Variants in GPA33 observed in about 807,000 individuals in gnomAD.
GPA33 encodes the protein cell surface A33 antigen.
A neutral mutation model predicts 35.6 loss-of-function variants in GPA33; 27 were observed. That is an observed-to-expected ratio of 0.76 (90% CI 0.56 to 1.04). The LOEUF (loss-of-function observed/expected upper bound fraction) is 1.04. GPA33 is among the 50% of genes least tolerant of loss of function. The pLI is 0.00. For missense variants in GPA33, 428 were observed against 411.9 expected, an observed-to-expected ratio of 1.04 and a Z score of -0.34; for synonymous variants, 176 against 164.0, an observed-to-expected ratio of 1.07 and a Z score of -0.56.
At chr1:167,075,817 A>T (rs532239774) in intron 1 of GPA33, among the ~76,000 whole-genome samples, 94 of 152,354 alleles carry the variant, frequency 6.2e-4, no homozygotes, top group African/African-American at 2.1e-3. Context: ...GGAATCAGTA[A>T]GGGAGAAGTA....
At chr1:167,056,659 TACGGTGAGTGTGTGATGTGTCTG>T (rs1666275957) in intron 4 of GPA33, among the ~76,000 whole-genome samples, 2 of 25,106 alleles carry the variant, frequency 8.0e-5, no homozygotes, top group Admixed American at 4.2e-4. Context: ...GTGTGTGTGG[TACGGTGAGTGTGTGATGTGTCTG>T]GTGTGTGGTG....
chr1:167,086,876 G>A (rs1029555754), intron 1 of GPA33, among the ~76,000 whole-genome samples: 46 of 131,804 alleles, frequency 3.5e-4, no homozygotes, highest in Non-Finnish European at 3.0e-4. Flanking sequence ...CTAGGAAGGT[G>A]GGGTGTGTAA....
At chr1:167,081,414 G>A (rs190572963) in intron 1 of GPA33, among the ~76,000 whole-genome samples, 218 of 152,342 alleles carry the variant, frequency 1.4e-3, no homozygotes, top group Non-Finnish European at 2.5e-3. Context: ...GTTCACACAC[G>A]CAGGTTGGTT....
chr1:167,070,360 A>G (rs1666693677), intron 2 of GPA33, among the ~76,000 whole-genome samples: 1 of 152,150 alleles, frequency 6.6e-6, no homozygotes. Flanking sequence ...TAGCCTATGC[A>G]CTTGGTATGT....
At chr1:167,061,955 G>A (rs529019954) in intron 4 of GPA33, among the ~76,000 whole-genome samples, 13 of 151,914 alleles carry the variant, frequency 8.6e-5, no homozygotes, top group African/African-American at 2.2e-4. Flanking sequence ...GTGTGCATCC[G>A]TCCGGCTGGG....
At chr1:167,082,080 C>T (rs908816979) in intron 1 of GPA33, among the ~76,000 whole-genome samples, 9 of 151,978 alleles carry the variant, frequency 5.9e-5, no homozygotes, top group African/African-American at 2.2e-4. Context: ...GAGGTAGAAC[C>T]CGAGGGATTC....
chr1:167,087,546 G>T (rs182727792), intron 1 of GPA33, among the ~76,000 whole-genome samples: 1 of 152,176 alleles, frequency 6.6e-6, no homozygotes, highest in Non-Finnish European at 1.5e-5. Flanking sequence ...TGGAGTGTTA[G>T]GAGGGACGGG....
intron 4 of GPA33, among the ~76,000 whole-genome samples, chr1:167,056,778 C>G (rs1311383614): frequency 0.01 from 15 of 1,492 alleles, no homozygotes; most frequent in Non-Finnish European, 9.9e-3. Context: ...GTGTGTGTGG[C>G]ATGTGTAGTG....
In GPA33 at chr1:167,055,729, C is replaced by T. The variant is rs937977818; in HGVS notation, c.691+1G>A. ...GCCCTCCCCCCGCAGGCTGCTCTTACGAGATCTGACGGCCACCGTGATGTT... is the reference window on the plus strand; with the variant it reads ...GCCCTCCCCCCGCAGGCTGCTCTTATGAGATCTGACGGCCACCGTGATGTT... On this transcript the variant is annotated splice_donor_variant, in intron 5 of 6. Transcript: ENST00000367868. LOFTEE classifies it high-confidence loss of function. 1.5e-5 allele frequency: 25 copies of T among 1,613,794 alleles called. No homozygotes were observed. Among genetic ancestry groups the T allele is most frequent in the Middle Eastern group, 1.7e-4 (1 of 5,976 alleles).
chr1:167,058,081 C>T (rs1666349041), intron 4 of GPA33, among the ~76,000 whole-genome samples: 1 of 152,160 alleles, frequency 6.6e-6, no homozygotes, highest in South Asian at 2.1e-4. Context: ...CGCCTCTAGT[C>T]CCAGGTACTT....
chr1:167,063,931 A>G (rs1368972397), intron 3 of GPA33, among the ~76,000 whole-genome samples, 194 bp from the exon 4 acceptor site: 1 of 152,086 alleles, frequency 6.6e-6, no homozygotes, highest in Non-Finnish European at 1.5e-5. Flanking sequence ...GTCTGTCACC[A>G]CCACAAAGGA....
At chr1:167,070,796 G>T (rs145324167) in intron 2 of GPA33, among the ~76,000 whole-genome samples, 1 of 152,294 alleles carries the variant, frequency 6.6e-6, no homozygotes, top group Admixed American at 6.5e-5. Context: ...GAGTATGAAA[G>T]TGGGGGCACC....
intron 1 of GPA33, among the ~76,000 whole-genome samples, chr1:167,089,249 C>T (rs1667111462): frequency 6.6e-6 from 1 of 152,096 alleles, no homozygotes; most frequent in Admixed American, 6.5e-5. Context: ...AGCTGTAGGC[C>T]CCGTGGCCCG....
chr1:167,063,599 T>G lies in GPA33; in HGVS notation c.554A>C (p.Gln185Pro). Residue 185 changes from glutamine to proline, a missense_variant, in exon 4 of 7, where the codon CAG (glutamine) becomes CCG (proline). By Grantham distance (76) the Gln-to-Pro change is moderately conservative (BLOSUM62 -1). Transcript: ENST00000367868. The part of the protein sequence containing the change: ...WKRYNILNQE[Q>P]PLAQPASGQP... ...CCCCTTACCTGGCTGGGCCAGGGGC[T>G]GCTCCTGATTCAGGATGTTGTACCT... 6.2e-7 allele frequency: 1 copy of G among 1,609,984 alleles called. No homozygotes were observed.
chr1:167,084,378 G>T (rs1558011938), intron 1 of GPA33, among the ~76,000 whole-genome samples: 1 of 152,204 alleles, frequency 6.6e-6, no homozygotes. Context: ...GTGATGATCT[G>T]AATTTGTAGG....
chr1:167,056,770 GT>G (rs1408732803), intron 4 of GPA33, among the ~76,000 whole-genome samples: 3 of 149,814 alleles, frequency 2.0e-5, no homozygotes, highest in African/African-American at 7.4e-5. Flanking sequence ...TGTGTGTGGT[GT>G]GTGTGGCATG....
At chr1:167,060,874 C>T (rs1666424158) in intron 4 of GPA33, among the ~76,000 whole-genome samples, 1 of 152,198 alleles carries the variant, frequency 6.6e-6, no homozygotes, top group African/African-American at 2.4e-5. Flanking sequence ...ACGCACCCTA[C>T]CCCTTAGCCA....
chr1:167,066,619 T>C (rs1349673532), intron 3 of GPA33, among the ~76,000 whole-genome samples: 1 of 152,212 alleles, frequency 6.6e-6, no homozygotes, highest in African/African-American at 2.4e-5. Flanking sequence ...CAAATCGTCC[T>C]TCCACACATG....
At chr1:167,087,461 G>C (rs1379511598) in intron 1 of GPA33, among the ~76,000 whole-genome samples, 1 of 152,212 alleles carries the variant, frequency 6.6e-6, no homozygotes, top group Non-Finnish European at 1.5e-5. Context: ...CTTTAGCAAA[G>C]TGAAGCCATT....
Sources: allele counts gnomAD v4.1 joint callset (sites outside exome capture counted in the v4.1 genomes callset), GRCh38; gene constraint gnomAD v4.1.1; transcripts MANE v1.5; gene names NCBI Gene and HGNC (gene_info 2026-07-23, HGNC 2026-07-21).